Variants in CEP78 observed in about 807,000 individuals in gnomAD.
CEP78 encodes centrosomal protein 78, also known as centrosomal protein of 78 kDa.
A neutral mutation model predicts 81.2 loss-of-function variants in CEP78; 76 were observed. The observed-to-expected ratio is 0.94, with a 90% confidence interval of 0.78 to 1.13. The LOEUF (loss-of-function observed/expected upper bound fraction) is 1.13, where lower values mean the gene tolerates loss of function less well. Ranked by LOEUF, CEP78 falls within the 50% of genes most tolerant of loss-of-function variation. The pLI, the probability that CEP78 is intolerant of heterozygous loss-of-function variation, is 0.00. For missense variants in CEP78, 918 were observed against 846.8 expected (o/e 1.08, Z -1.04); for synonymous variants, 293 against 301.4 (o/e 0.97, Z 0.29).
In CEP78 at chr9:78,252,008, G is replaced by A. The variant is rs1826790057; in HGVS notation, c.1170G>A (p.Leu390=). The change falls in exon 9 of 17, where the codon TTG becomes TTA. Residue 390 remains leucine (L), a synonymous_variant. Transcript: ENST00000643273. ...APLPPGVSGF[L]PWRTAERAKR... ...TTCCACCTGGTGTGTCTGGTTTCTT[G>A]CCGTGGCGTACTGCAGAACGTGCAA... 6.2e-7 allele frequency: 1 copy of A among 1,602,890 alleles called. No homozygotes were observed. Among genetic ancestry groups the A allele is most frequent in the Non-Finnish European group, 8.5e-7 (1 of 1,172,024 alleles).
intron 13 of CEP78, among the ~76,000 whole-genome samples, chr9:78,265,126 G>C (rs1025463606): frequency 6.6e-6 from 1 of 152,094 alleles, no homozygotes; most frequent in Non-Finnish European, 1.5e-5. Flanking sequence ...GAAGTCAAGA[G>C]GTATCTAATA....
chr9:78,252,665 C>T (rs951598931), intron 9 of CEP78, among the ~76,000 whole-genome samples: 16 of 152,244 alleles, frequency 1.1e-4, no homozygotes, highest in African/African-American at 3.9e-4. Flanking sequence ...TGGAGATTAA[C>T]AATTGCTTAA....
chr9:78,262,176 A>G (rs1359915625), intron 11 of CEP78, among the ~76,000 whole-genome samples: 1 of 151,948 alleles, frequency 6.6e-6, no homozygotes, highest in East Asian at 1.9e-4. Context: ...GTGGCTCCAT[A>G]GAGCATTTCA....
rs1286428340 is a variant in CEP78 at position 78,277,878 on chromosome 9, T to A, written c.*7027T>A. 6.6e-6 allele frequency: 1 copy of A among 152,182 alleles called. No homozygotes were observed. Among genetic ancestry groups the A allele is most frequent in the African/African-American group, 2.4e-5 (1 of 41,424 alleles). 9.4% of individuals were successfully genotyped at this position (152,182 alleles called of 1,614,324 possible). A position where few individuals can be genotyped will look rare whatever the true frequency, so the allele number is the denominator to read the frequency against. On this transcript the variant is annotated 3_prime_UTR_variant, in exon 17 of 17. Coordinates refer to ENST00000643273, the MANE Select transcript of CEP78 (RefSeq NM_001330691.3). ...CATACCAATTTCTGACATATAACAC[T>A]CTGCAGCAGATAAAGACAATAGCTC...
chr9:78,236,776 A>G (rs1587543304), intron 1 of CEP78, 173 bp downstream of exon 1: 2 of 767,040 alleles, frequency 2.6e-6, no homozygotes, highest in Non-Finnish European at 3.8e-6. Flanking sequence ...CATCCGTAAC[A>G]TGGGCTTAAT....
chr9:78,260,184 G>A (rs1827209970), intron 11 of CEP78, among the ~76,000 whole-genome samples: 1 of 152,152 alleles, frequency 6.6e-6, no homozygotes, highest in African/African-American at 2.4e-5. Context: ...AAGCAATTTG[G>A]ATGTAAGTAT....
chr9:78,268,252 G>C lies in CEP78; in HGVS notation c.2107+1549G>C, dbSNP rs542156349. 4.6e-5 allele frequency among the ~76,000 whole-genome samples: 7 copies of C among 152,216 alleles called. No individual in the cohort carries two copies. In the East Asian group the frequency reaches 1.4e-3, roughly 29 times the overall value. ...AAGGTGAAGGGGAAGGATACTCAGG[G>C]CAGAGGGAATAGCATGAGCAGAAGT... On this transcript the variant is annotated intron_variant, in intron 16 of 16. Coordinates refer to ENST00000643273, the MANE Select transcript of CEP78 (RefSeq NM_001330691.3).
At chr9:78,252,345 A>G (rs1444952511) in intron 9 of CEP78, among the ~76,000 whole-genome samples, 1 of 152,204 alleles carries the variant, frequency 6.6e-6, no homozygotes, top group Non-Finnish European at 1.5e-5. Flanking sequence ...ACCAAGTCCT[A>G]TAGGGCAGAA....
intron 12 of CEP78, among the ~76,000 whole-genome samples, chr9:78,263,483 TTTA>T (rs1217328836): frequency 6.6e-6 from 1 of 152,132 alleles, no homozygotes; most frequent in Non-Finnish European, 1.5e-5. Context: ...ATAACTATAA[TTTA>T]TTATTACAAA....
At position 78,252,841 on chromosome 9, in the gene CEP78, G is replaced by T. The variant is rs142695676; in HGVS notation, c.1206-391G>T. Among the ~76,000 whole-genome samples, 381 of 152,268 alleles carry T rather than the reference G, an allele frequency of 2.5e-3. 3 individuals carry two copies. The highest frequency in any genetic ancestry group is 8.2e-3 in the African/African-American group (339 of 41,544). On this transcript the variant is annotated intron_variant, in intron 9 of 16. Coordinates refer to ENST00000643273, the MANE Select transcript of CEP78 (RefSeq NM_001330691.3). ...GAATTATTATTGCATAAACTATAGT[G>T]CTGAGGCCCCAGTCTTTACACTTCC...
Position 78,236,999 on chromosome 9 carries a change from G to A in CEP78, c.253+396G>A, listed in dbSNP as rs1301595501. Among the ~76,000 whole-genome samples the A allele has an allele frequency of 3.2e-4, 3 of 9,314 alleles. 1 individual carries two copies. Among genetic ancestry groups the A allele is most frequent in the Non-Finnish European group, 1.0e-3 (3 of 2,862 alleles). 6.1% of individuals were successfully genotyped at this position (9,314 alleles called of 152,430 possible). On this transcript the variant is annotated intron_variant, in intron 1 of 16. Transcript: ENST00000643273. ...TTTTTTTTTTTTTTTTTTTTTTTTT[G>A]AGACACTGTTTCACTCTGTCGCCCA...
At chr9:78,240,229 GATAGTTGCTTTTAGAGGAAAAAAA>G in intron 2 of CEP78, 34 bp downstream of exon 2, 1 of 1,612,860 alleles carries the variant, frequency 6.2e-7, no homozygotes, top group Non-Finnish European at 8.5e-7. Flanking sequence ...GTAGACATTT[GATAGTTGCTTTTAGAGGAAAAAAA>G]ACCTCAATAA....
In CEP78 at chr9:78,240,696, C is replaced by T. The variant is rs367668705; in HGVS notation, c.499+332C>T. On this transcript the variant is annotated intron_variant, in intron 3 of 16. Coordinates refer to ENST00000643273, the MANE Select transcript of CEP78 (RefSeq NM_001330691.3). The stretch of plus-strand genomic sequence containing the variant: ...TGTAAAGAGGCCGGGCGTGGTGGCT[C>T]ACGCCTGTGATCCCAGCAATTTGGG... Among the ~76,000 whole-genome samples, 130 of 152,216 alleles carry T rather than the reference C, an allele frequency of 8.5e-4. 1 individual carries two copies. The highest frequency in any genetic ancestry group is 3.0e-3 in the African/African-American group (125 of 41,550).
Position 78,254,668 on chromosome 9 carries a change from A to G in CEP78, c.1252-168A>G, listed in dbSNP as rs555900499. 8.5e-6 allele frequency: 3 copies of G among 352,224 alleles called. No homozygotes were observed. In the South Asian group the frequency reaches 1.6e-4, roughly 19 times the overall value. 21.8% of individuals were successfully genotyped at this position (352,224 alleles called of 1,614,324 possible). A position where few individuals can be genotyped will look rare whatever the true frequency, so the allele number is the denominator to read the frequency against. The stretch of plus-strand genomic sequence containing the variant: ...GAATTATTTCAGTGACATAGCAAGA[A>G]TAAGTTAGTGTCTTTTTACTTTGTT... On this transcript the variant is annotated intron_variant, in intron 10 of 16. Transcript: ENST00000643273.
chr9:78,266,997 C>A, intron 16 of CEP78: 1 of 1,363,320 alleles, frequency 7.3e-7, no homozygotes, highest in Non-Finnish European at 9.6e-7. Context: ...TCTATCACAC[C>A]TTTCATATGA....
Position 78,243,549 on chromosome 9 carries a change from C to T in CEP78, c.691C>T (p.Arg231Cys), listed in dbSNP as rs776232414. 24 of 1,613,682 alleles carry T rather than the reference C, an allele frequency of 1.5e-5. No individual in the cohort carries two copies. Among genetic ancestry groups the T allele is most frequent in the African/African-American group, 4.0e-5 (3 of 74,914 alleles). Residue 231 changes from arginine to cysteine, a missense_variant, in exon 5 of 17, where the codon CGT becomes TGT. Arg to Cys is a radical substitution (Grantham distance 180, BLOSUM62 -3). Transcript: ENST00000643273. ...TCTTGACTGTATGGCTGGCTTAAGA[C>T]GTATCACACTGAATTGCAACACACT... is the stretch of plus-strand genomic sequence containing the variant. The part of the protein sequence containing the change: ...PDLDCMAGLR[R>C]ITLNCNTLIG...
At position 78,274,497 on chromosome 9, in the gene CEP78, G is replaced by A. The variant is rs1194211410; in HGVS notation, c.*3646G>A. 3 of 152,072 alleles carry A rather than the reference G, an allele frequency of 2.0e-5. No homozygotes were observed. The highest frequency in any genetic ancestry group is 4.4e-5 in the Non-Finnish European group (3 of 68,038). 9.4% of individuals were successfully genotyped at this position (152,072 alleles called of 1,614,324 possible). Reference sequence around the variant, plus strand: ...AGTTTTACTCTATAATAATATTAGAGCTTAAAAAATTCATCCCTCTTGCCC... The same window carrying A: ...AGTTTTACTCTATAATAATATTAGAACTTAAAAAATTCATCCCTCTTGCCC... On this transcript the variant is annotated 3_prime_UTR_variant, in exon 17 of 17. Coordinates refer to ENST00000643273, the MANE Select transcript of CEP78 (RefSeq NM_001330691.3).
At position 78,240,103 on chromosome 9, in the gene CEP78, C is replaced by G. The variant is rs778874630; in HGVS notation, c.334C>G (p.Leu112Val). Reference sequence around the variant, plus strand: ...TGTGACCTTCCAGTTGTGTAAAGCTCTTAAAGGCTGTTTAAGTATATCAAG... The same window carrying G: ...TGTGACCTTCCAGTTGTGTAAAGCTGTTAAAGGCTGTTTAAGTATATCAAG... Reference protein sequence around the residue: ...KDVTFQLCKALKGCLSISSVL... With the variant: ...KDVTFQLCKAVKGCLSISSVL... Residue 112 changes from leucine (L) to valine (V), a missense_variant, in exon 2 of 17, where the codon CTT becomes GTT. Physicochemically the swap from Leu to Val is conservative, Grantham distance 32 (BLOSUM62 1). Transcript: ENST00000643273. The G allele has an allele frequency of 3.1e-5, 49 of 1,585,536 alleles. No individual in the cohort carries two copies. The highest frequency in any genetic ancestry group is 3.9e-5 in the Non-Finnish European group (46 of 1,173,504).
rs1223897796 is a variant in CEP78 at position 78,273,539 on chromosome 9, G to A, written c.*2688G>A. On this transcript the variant is annotated 3_prime_UTR_variant, in exon 17 of 17. Coordinates refer to ENST00000643273, the MANE Select transcript of CEP78 (RefSeq NM_001330691.3). Reference sequence around the variant, plus strand: ...ACCTGAGGTCAGAAGTTCAAGACCAGCCTGGCCAACATGGCAAAACTCCGT... The same window carrying A: ...ACCTGAGGTCAGAAGTTCAAGACCAACCTGGCCAACATGGCAAAACTCCGT... The A allele has an allele frequency of 2.0e-5, 3 of 149,458 alleles. No individual in the cohort carries two copies. Among genetic ancestry groups the A allele is most frequent in the East Asian group, 3.9e-4 (2 of 5,096 alleles). 9.3% of individuals were successfully genotyped at this position (149,458 alleles called of 1,614,324 possible).
Sources: allele counts gnomAD v4.1 joint callset (sites outside exome capture counted in the v4.1 genomes callset), GRCh38; gene constraint gnomAD v4.1.1; transcripts MANE v1.5; gene names NCBI Gene and HGNC (gene_info 2026-07-23, HGNC 2026-07-21).